Variants in DRGX observed in about 807,000 individuals in gnomAD.
DRGX encodes the protein dorsal root ganglia homeobox protein.
In DRGX, 21 loss-of-function variants were observed where a neutral mutation model predicts 28.6. The ratio of observed to expected loss-of-function variants is 0.73; its 90% CI spans 0.52 to 1.06. DRGX has a LOEUF of 1.06. DRGX is among the 50% of genes least tolerant of loss of function. The probability of loss-of-function intolerance (pLI) is 0.00; values close to 1 mark genes in which losing one functional copy is unlikely to be tolerated. For synonymous variants in DRGX, 136 were observed against 139.1 expected, an observed-to-expected ratio of 0.98 and a Z score of 0.16; for missense variants, 354 against 343.9, an observed-to-expected ratio of 1.03 and a Z score of -0.23.
chr10:49,364,531 T>G lies in DRGX; in HGVS notation c.*1585A>C, dbSNP rs1849578469. 6.6e-6 allele frequency: 1 copy of G among 152,206 alleles called. No individual in the cohort carries two copies. 9.4% of individuals were successfully genotyped at this position (152,206 alleles called of 1,614,324 possible). On this transcript the variant is annotated 3_prime_UTR_variant, in exon 7 of 7. Transcript: ENST00000374139. ...TCAAACAATTAGATTGAAGAGTTAG[T>G]GTACATAAGGGCTTGAGCTTACATC...
chr10:49,368,500 C>A (rs1374789076), intron 6 of DRGX, among the ~76,000 whole-genome samples: 1 of 152,248 alleles, frequency 6.6e-6, no homozygotes, highest in Non-Finnish European at 1.5e-5. Flanking sequence ...GGGGCTCTTA[C>A]ACAGGCATAG....
chr10:49,375,277 A>C (rs78422967), intron 6 of DRGX, among the ~76,000 whole-genome samples: 11,272 of 152,248 alleles, frequency 0.074, 457 homozygotes, highest in Middle Eastern at 0.14. Context: ...TGTGCCTCCC[A>C]GATCCAATCT....
intron 1 of DRGX, 41 bp from the exon 2 acceptor site, chr10:49,395,562 C>T (rs1328210447): frequency 4.0e-6 from 5 of 1,238,044 alleles, no homozygotes; most frequent in South Asian, 1.3e-5. Context: ...TCTCCCTCTG[C>T]CAGCGCTCCC....
intron 6 of DRGX, among the ~76,000 whole-genome samples, chr10:49,379,485 G>A (rs918245803): frequency 6.6e-6 from 1 of 152,160 alleles, no homozygotes; most frequent in Admixed American, 6.5e-5. Context: ...AAGAAGAGGG[G>A]AAAGATGGTT....
At chr10:49,386,644 C>T (rs955776260) in intron 5 of DRGX, 36 bp downstream of exon 5, 19 of 1,576,456 alleles carry the variant, frequency 1.2e-5, no homozygotes, top group Non-Finnish European at 1.5e-5. Flanking sequence ...GCAGTGCTGC[C>T]CATGGCCCAC....
At chr10:49,392,451 G>A (rs1351568459) in intron 2 of DRGX, among the ~76,000 whole-genome samples, 1 of 152,162 alleles carries the variant, frequency 6.6e-6, no homozygotes, top group Non-Finnish European at 1.5e-5. Flanking sequence ...CAAAACCTTA[G>A]TTACAGGTAT....
chr10:49,380,512 G>C (rs1488144385), intron 6 of DRGX, among the ~76,000 whole-genome samples: 1 of 152,188 alleles, frequency 6.6e-6, no homozygotes, highest in East Asian at 1.9e-4. Flanking sequence ...TTATTGTCAT[G>C]TTAGTCCTCC....
chr10:49,386,482 G>A lies in DRGX; in HGVS notation c.522C>T (p.Leu174=). The A allele has an allele frequency of 6.4e-7, 1 of 1,566,908 alleles. No individual in the cohort carries two copies. The highest frequency in any genetic ancestry group is 8.6e-7 in the Non-Finnish European group (1 of 1,157,452). Residue 174 remains leucine, a synonymous_variant, in exon 6 of 7, where the codon CTC becomes CTT. Coordinates refer to ENST00000374139, the MANE Select transcript of DRGX (RefSeq NM_001276451.2). Reference sequence around the variant, plus strand: ...CCCAGCCGAACCCAAACTCACCTTTGAGGGAAGCCACATGGGACAAGGCCT... The same window carrying A: ...CCCAGCCGAACCCAAACTCACCTTTAAGGGAAGCCACATGGGACAAGGCCT... The part of the protein sequence containing the change: ...YAQALSHVAS[L]KGGPLCSCCV...
At chr10:49,391,810 G>A (rs761863011) in intron 2 of DRGX, 1 of 516,304 alleles carries the variant, frequency 1.9e-6, no homozygotes, top group Non-Finnish European at 4.0e-6. Context: ...GAGGAGGTAA[G>A]AAGTTTATAA....
At chr10:49,376,349 A>G (rs986870324) in intron 6 of DRGX, among the ~76,000 whole-genome samples, 11 of 152,148 alleles carry the variant, frequency 7.2e-5, no homozygotes, top group Non-Finnish European at 1.5e-4. Context: ...TGTCCCCTTG[A>G]GTCCTCTGCT....
chr10:49,390,003 T>C, intron 4 of DRGX, 130 bp downstream of exon 4: 2 of 754,060 alleles, frequency 2.7e-6, no homozygotes, highest in Non-Finnish European at 4.2e-6. Context: ...GTTATTAAAG[T>C]GCATCATGAA....
chr10:49,387,337 G>C (rs931395755), intron 4 of DRGX, among the ~76,000 whole-genome samples: 35 of 152,210 alleles, frequency 2.3e-4, no homozygotes, highest in African/African-American at 8.4e-4. Context: ...ACATATTCGT[G>C]ATCAGCAGCC....
rs951660156 is a variant in DRGX at position 49,369,939 on chromosome 10, C to G, written c.527-3558G>C. Among the ~76,000 whole-genome samples, 9 of 152,038 alleles carry G rather than the reference C, an allele frequency of 5.9e-5. 1 individual carries two copies. Among genetic ancestry groups the G allele is most frequent in the Admixed American group, 5.9e-4 (9 of 15,278 alleles). On this transcript the variant is annotated intron_variant, in intron 6 of 6. Coordinates refer to ENST00000374139, the MANE Select transcript of DRGX (RefSeq NM_001276451.2). ...AAACACTCACCCAGCCACACCCAGTCCCACGTCCATGGGGCTGGCACTCTC... is the reference window on the plus strand; with the variant it reads ...AAACACTCACCCAGCCACACCCAGTGCCACGTCCATGGGGCTGGCACTCTC...
intron 2 of DRGX, among the ~76,000 whole-genome samples, chr10:49,393,515 A>G (rs1284290355): frequency 6.6e-6 from 1 of 152,248 alleles, no homozygotes; most frequent in Non-Finnish European, 1.5e-5. Flanking sequence ...CAGCAAAATT[A>G]TCTGAGAAGT....
At chr10:49,395,563 C>T in intron 1 of DRGX, 42 bp from the exon 2 acceptor site, 1 of 1,240,232 alleles carries the variant, frequency 8.1e-7, no homozygotes, top group South Asian at 1.3e-5. Flanking sequence ...CTCCCTCTGC[C>T]AGCGCTCCCG....
intron 6 of DRGX, among the ~76,000 whole-genome samples, chr10:49,379,612 C>A (rs1396745621): frequency 6.6e-6 from 1 of 152,198 alleles, no homozygotes; most frequent in Non-Finnish European, 1.5e-5. Flanking sequence ...GCCTGGAAGT[C>A]CAAGGGCAAA....
chr10:49,372,062 G>C (rs1248034940), intron 6 of DRGX, among the ~76,000 whole-genome samples: 1 of 152,172 alleles, frequency 6.6e-6, no homozygotes, highest in African/African-American at 2.4e-5. Context: ...TTTGCACAGA[G>C]GCAAGCAGAG....
rs1222494573 is a variant in DRGX, at chr10:49,391,195, C to T, written c.101G>A (p.Arg34His). The change falls in exon 3 of 7, where the codon CGC becomes CAC. Residue 34 changes from arginine (R) to histidine (H), a missense_variant. Physicochemically the swap from Arg to His is conservative, Grantham distance 29. Transcript: ENST00000374139. ...AAGAGTGAACGTCGTCCGGTTCCGG[C>T]GCTGTTTTCTACGCAGAAACCCGTC... is the stretch of plus-strand genomic sequence containing the variant. ...FDDGFLRRKQ[R>H]RNRTTFTLQQ... The T allele has an allele frequency of 1.9e-6, 3 of 1,613,030 alleles. No individual in the cohort carries two copies. The highest frequency in any genetic ancestry group is 1.3e-5 in the African/African-American group (1 of 74,872).
In DRGX at chr10:49,365,841, C is replaced by G; in HGVS notation, c.*275G>C. The G allele has an allele frequency of 2.9e-6, 1 of 339,544 alleles. No homozygotes were observed. The allele number at this position is 339,544 out of a possible 1,614,324, so 21.0% of individuals were successfully genotyped here. On this transcript the variant is annotated 3_prime_UTR_variant, in exon 7 of 7. Transcript: ENST00000374139. Reference sequence around the variant, plus strand: ...CGAGACTCTGGGCCTGGATGGAAATCCCAGGGAGGCTCCTCACAGAGAGGG... The same window carrying G: ...CGAGACTCTGGGCCTGGATGGAAATGCCAGGGAGGCTCCTCACAGAGAGGG...
Sources: allele counts gnomAD v4.1 joint callset (sites outside exome capture counted in the v4.1 genomes callset), GRCh38; gene constraint gnomAD v4.1.1; transcripts MANE v1.5; gene names NCBI Gene and HGNC (gene_info 2026-07-23, HGNC 2026-07-21).